The following TRERF1 variants were observed in gnomAD, a reference collection of about 807,000 sequenced individuals.
TRERF1 encodes transcriptional-regulating factor 1.
In TRERF1, 27 loss-of-function variants were observed where a neutral mutation model predicts 122.9. The observed-to-expected ratio is 0.22, with a 90% CI of 0.16 to 0.30. The LOEUF (loss-of-function observed/expected upper bound fraction) is 0.30. TRERF1 is among the 10% of genes least tolerant of loss of function. The probability of loss-of-function intolerance (pLI) is 1.00; values close to 1 mark genes in which losing one functional copy is unlikely to be tolerated. For missense variants in TRERF1, 1,248 were observed against 1,560.3 expected, an observed-to-expected ratio of 0.80 and a Z score of 3.37; for synonymous variants, 636 against 641.7, an observed-to-expected ratio of 0.99 and a Z score of 0.13.
At chr6:42,230,042 A>T (rs1392891265) in intron 17 of TRERF1, among the ~76,000 whole-genome samples, 1 of 152,136 alleles carries the variant, frequency 6.6e-6, no homozygotes, top group Non-Finnish European at 1.5e-5. Context: ...GAGACTGTTT[A>T]TGGAGAGGGG....
chr6:42,261,155 A>G (rs1369649581), intron 8 of TRERF1, among the ~76,000 whole-genome samples: 1 of 152,170 alleles, frequency 6.6e-6, no homozygotes, highest in Non-Finnish European at 1.5e-5. Flanking sequence ...GCTGAGGAGA[A>G]TGGGGGAAGG....
At chr6:42,359,570 A>G (rs143466819) in intron 3 of TRERF1, among the ~76,000 whole-genome samples, 4,030 of 152,280 alleles carry the variant, frequency 0.026, 186 homozygotes, top group African/African-American at 0.091. Flanking sequence ...CTAAAAATAC[A>G]AAAATTAGCT....
intron 4 of TRERF1, among the ~76,000 whole-genome samples, chr6:42,282,852 G>A (rs1782533229): frequency 6.6e-6 from 1 of 152,140 alleles, no homozygotes; most frequent in Non-Finnish European, 1.5e-5. Flanking sequence ...TTAGGTTCCT[G>A]CAAGCCCCTG....
chr6:42,231,027 T>C (rs1301026419), intron 17 of TRERF1, among the ~76,000 whole-genome samples: 2 of 152,238 alleles, frequency 1.3e-5, no homozygotes. Context: ...AATCAGTACA[T>C]GTGCTATGGG....
intron 2 of TRERF1, among the ~76,000 whole-genome samples, chr6:42,387,677 T>C (rs1777031359): frequency 6.6e-6 from 1 of 152,202 alleles, no homozygotes; most frequent in Admixed American, 6.5e-5. Flanking sequence ...ACTTCAATAA[T>C]CAAACAAAGA....
chr6:42,438,902 G>A (rs1208385288), intron 2 of TRERF1, among the ~76,000 whole-genome samples: 1 of 152,140 alleles, frequency 6.6e-6, no homozygotes, highest in East Asian at 1.9e-4. Flanking sequence ...GAATCACACA[G>A]GTGAGCACAG....
rs577416488 is a variant in TRERF1, at chr6:42,232,498, A to C, written c.3278+183T>G. 3.3e-5 allele frequency among the ~76,000 whole-genome samples: 5 copies of C among 152,340 alleles called. No homozygotes were observed. Among genetic ancestry groups the C allele is most frequent in the Admixed American group, 6.5e-5 (1 of 15,306 alleles). The stretch of plus-strand genomic sequence containing the variant: ...CATCCTTACAAGGCTCTAAGATAAC[A>C]GAATGGCCATATTCTGAGTCTGCAA... On this transcript the variant is annotated intron_variant, in intron 17 of 17. Transcript: ENST00000372922. This position sits in a 1 kb window ranked among gnomAD's most constrained non-coding sequence, Gnocchi z 4.5.
At chr6:42,296,991 T>C (rs1785217167) in intron 4 of TRERF1, among the ~76,000 whole-genome samples, 1 of 152,222 alleles carries the variant, frequency 6.6e-6, no homozygotes, top group Admixed American at 6.5e-5. Context: ...AGTTAAAACA[T>C]TTTGGTAGCA....
chr6:42,341,465 G>A (rs975631633), intron 3 of TRERF1, among the ~76,000 whole-genome samples: 1 of 152,226 alleles, frequency 6.6e-6, no homozygotes, highest in Non-Finnish European at 1.5e-5. Flanking sequence ...ATTCTGCCGA[G>A]GATCTGTTCA....
intron 3 of TRERF1, among the ~76,000 whole-genome samples, chr6:42,331,509 G>A (rs1294052935): frequency 6.6e-6 from 1 of 152,316 alleles, no homozygotes; most frequent in East Asian, 1.9e-4. Context: ...CTGGCAACTA[G>A]GTCACCCCAA....
At chr6:42,245,453 G>C (rs996979297) in intron 14 of TRERF1, among the ~76,000 whole-genome samples, 1 of 152,198 alleles carries the variant, frequency 6.6e-6, no homozygotes, top group African/African-American at 2.4e-5. Flanking sequence ...GGGGCCAGTG[G>C]GTGCTATCAA....
chr6:42,320,654 C>T (rs1018656173), intron 3 of TRERF1, among the ~76,000 whole-genome samples: 25 of 151,710 alleles, frequency 1.6e-4, no homozygotes, highest in Admixed American at 9.8e-4. Flanking sequence ...GGATTACAGG[C>T]GCCCGCCACA....
At chr6:42,298,871 T>C (rs949898536) in intron 4 of TRERF1, among the ~76,000 whole-genome samples, 1 of 151,964 alleles carries the variant, frequency 6.6e-6, no homozygotes, top group African/African-American at 2.4e-5. Context: ...GCCCAGGAGG[T>C]GCAGGTTGCA....
chr6:42,419,559 G>A (rs577032255), intron 2 of TRERF1, among the ~76,000 whole-genome samples: 1 of 152,186 alleles, frequency 6.6e-6, no homozygotes, highest in East Asian at 1.9e-4. Flanking sequence ...ACACTGGGGG[G>A]ATTCACAAGA....
intron 4 of TRERF1, among the ~76,000 whole-genome samples, chr6:42,277,106 CCTAG>C (rs773008898): frequency 1.3e-5 from 2 of 152,166 alleles, no homozygotes; most frequent in Non-Finnish European, 2.9e-5. Flanking sequence ...TCTCTCTCTT[CCTAG>C]CTGTCATGGA....
chr6:42,272,687 A>T (rs1780444138), intron 4 of TRERF1, among the ~76,000 whole-genome samples: 1 of 152,172 alleles, frequency 6.6e-6, no homozygotes, highest in South Asian at 2.1e-4. Context: ...AGAGGGAGAA[A>T]TAAGAGAAAC....
chr6:42,447,956 G>A (rs950568166), intron 2 of TRERF1, among the ~76,000 whole-genome samples: 10 of 152,034 alleles, frequency 6.6e-5, no homozygotes, highest in Non-Finnish European at 1.0e-4. Context: ...CGCCTGCCTC[G>A]GCCTCCCAAA....
rs548498045 is a variant in TRERF1, at chr6:42,330,341, A to G, written c.-370-29592T>C. The stretch of plus-strand genomic sequence containing the variant: ...GTATGCCAATACACTGGCTAGGGGG[A>G]AAAAGCTAGTAAACTCACCAGTATC... On this transcript the variant is annotated intron_variant, in intron 3 of 17. Transcript: ENST00000372922. 3.9e-4 allele frequency among the ~76,000 whole-genome samples: 59 copies of G among 152,328 alleles called. 1 individual carries two copies. Among genetic ancestry groups the G allele is most frequent in the Non-Finnish European group, 7.5e-4 (51 of 68,022 alleles).
intron 2 of TRERF1, among the ~76,000 whole-genome samples, chr6:42,371,868 G>T (rs551687559): frequency 6.6e-6 from 1 of 152,162 alleles, no homozygotes; most frequent in East Asian, 1.9e-4. Context: ...GGAGGTATGT[G>T]CCTGTTTTCC....
Sources: allele counts gnomAD v4.1 joint callset (sites outside exome capture counted in the v4.1 genomes callset), GRCh38; gene constraint gnomAD v4.1.1; non-coding constraint Gnocchi (gnomAD v3.1); transcripts MANE v1.5; gene names NCBI Gene and HGNC (gene_info 2026-07-23, HGNC 2026-07-21).